The following SAXO1 variants were observed in gnomAD, a reference collection of about 807,000 sequenced individuals.
SAXO1 encodes 4930500O09Rik.
In SAXO1, 21 loss-of-function variants were observed where a neutral mutation model predicts 17.5. The observed-to-expected ratio is 1.20, with a 90% CI of 0.85 to 1.72. The LOEUF (loss-of-function observed/expected upper bound fraction) is 1.72. SAXO1 is among the 40% of genes most tolerant of loss of function. The pLI is 0.00. For missense variants in SAXO1, 843 were observed against 596.0 expected (o/e 1.41, Z -4.32); for synonymous variants, 274 against 216.5 (o/e 1.27, Z -2.33).
chr9:19,010,430 T>C (rs1834678589), intron 1 of SAXO1, among the ~76,000 whole-genome samples: 3 of 151,928 alleles, frequency 2.0e-5, no homozygotes, highest in Non-Finnish European at 4.4e-5. Context: ...TACACACCTC[T>C]GGTCCTACTA....
chr9:19,026,948 C>T (rs4483249), intron 1 of SAXO1: 79 of 860,416 alleles, frequency 9.2e-5, no homozygotes, highest in Middle Eastern at 6.9e-4. Flanking sequence ...AGGTGCTCAA[C>T]ATGTCCACGG....
intron 1 of SAXO1, among the ~76,000 whole-genome samples, chr9:19,024,766 A>T (rs1333291419): frequency 6.6e-6 from 1 of 151,620 alleles, no homozygotes; most frequent in African/African-American, 2.4e-5. Flanking sequence ...GGTCTCATTC[A>T]TCTAAGGGTA....
At chr9:18,976,954 T>G (rs1021474707) in intron 1 of SAXO1, among the ~76,000 whole-genome samples, 4 of 152,220 alleles carry the variant, frequency 2.6e-5, no homozygotes, top group African/African-American at 9.6e-5. Context: ...CTTAGCACAA[T>G]GCCTGGCTCA....
intron 1 of SAXO1, among the ~76,000 whole-genome samples, chr9:19,012,398 T>A (rs1391168487): frequency 6.6e-6 from 1 of 152,250 alleles, no homozygotes; most frequent in Non-Finnish European, 1.5e-5. Context: ...TAGGTCTGAA[T>A]TATTAAAATA....
chr9:18,928,123 G>C lies in SAXO1; in HGVS notation c.1354C>G (p.Gln452Glu). Reference sequence around the variant, plus strand: ...TCTACAGAAAGATGGCTGCTCTGCTGAGAGCCTGCCTGGGAAACTGGTTTG... The same window carrying C: ...TCTACAGAAAGATGGCTGCTCTGCTCAGAGCCTGCCTGGGAAACTGGTTTG... ...IYKPVSQAGS[Q>E]QSSHLSVDDS... The change falls in exon 4 of 4, where the codon CAG becomes GAG. Residue 452 changes from glutamine to glutamate, a missense_variant. By Grantham distance (29) the Gln-to-Glu change is conservative. Transcript: ENST00000380534. 5 of 1,614,174 alleles carry C rather than the reference G, an allele frequency of 3.1e-6. No individual in the cohort carries two copies. Among genetic ancestry groups the C allele is most frequent in the Non-Finnish European group, 4.2e-6 (5 of 1,180,008 alleles).
intron 2 of SAXO1, among the ~76,000 whole-genome samples, chr9:18,946,052 G>A (rs528420288): frequency 5.9e-5 from 9 of 152,118 alleles, no homozygotes; most frequent in Admixed American, 2.0e-4. Flanking sequence ...CAAGGCAGGC[G>A]GATCACCAGA....
At chr9:19,041,691 G>C (rs1836083834) in intron 1 of SAXO1, among the ~76,000 whole-genome samples, 2 of 152,018 alleles carry the variant, frequency 1.3e-5, no homozygotes, top group Non-Finnish European at 2.9e-5. Context: ...ACATGCATGG[G>C]GTAAAAACAG....
rs974691027 is a variant in SAXO1, at chr9:18,968,753, C to G, written c.39-17816G>C. Among the ~76,000 whole-genome samples, 4 of 152,158 alleles carry G rather than the reference C, an allele frequency of 2.6e-5. No homozygotes were observed. In the East Asian group the frequency reaches 7.8e-4, roughly 30 times the overall value. On this transcript the variant is annotated intron_variant, in intron 1 of 3. Coordinates refer to ENST00000380534, the MANE Select transcript of SAXO1 (RefSeq NM_153707.4). ...GGATTACAGGCACACGCCACTACACCTGGCTAATTTTTGTATTTTTAGTAG... is the reference window on the plus strand; with the variant it reads ...GGATTACAGGCACACGCCACTACACGTGGCTAATTTTTGTATTTTTAGTAG...
intron 1 of SAXO1, among the ~76,000 whole-genome samples, chr9:18,986,752 G>C (rs1833609765): frequency 2.0e-5 from 3 of 152,172 alleles, no homozygotes. Flanking sequence ...AGTTGTGCAG[G>C]TTGCATACTG....
At chr9:19,046,658 T>C (rs1247901946) in intron 1 of SAXO1, among the ~76,000 whole-genome samples, 1 of 150,136 alleles carries the variant, frequency 6.7e-6, no homozygotes, top group African/African-American at 2.5e-5. Context: ...GCTGAGATCA[T>C]GCCATTGCAC....
At chr9:19,032,623 C>A (rs754884809) in intron 1 of SAXO1, among the ~76,000 whole-genome samples, 2 of 152,218 alleles carry the variant, frequency 1.3e-5, no homozygotes, top group African/African-American at 2.4e-5. Context: ...CGCGGTCACG[C>A]CCATTTTCAA....
intron 1 of SAXO1, among the ~76,000 whole-genome samples, chr9:18,996,855 A>C (rs1051437154): frequency 2.0e-5 from 3 of 152,212 alleles, no homozygotes; most frequent in Non-Finnish European, 4.4e-5. Context: ...TGAGGCAAGA[A>C]AAAAAACATA....
At chr9:18,959,624 G>T (rs1177387305) in intron 1 of SAXO1, among the ~76,000 whole-genome samples, 1 of 152,008 alleles carries the variant, frequency 6.6e-6, no homozygotes, top group Admixed American at 6.6e-5. Flanking sequence ...TACAAAAATT[G>T]GCCAGGTGTG....
chr9:18,975,897 G>C (rs533359895), intron 1 of SAXO1, among the ~76,000 whole-genome samples: 13 of 152,010 alleles, frequency 8.6e-5, no homozygotes, highest in Non-Finnish European at 1.6e-4. Context: ...CAGACCAAGA[G>C]AGATGTAAGT....
At chr9:19,039,124 G>T (rs1233741794) in intron 1 of SAXO1, among the ~76,000 whole-genome samples, 1 of 149,878 alleles carries the variant, frequency 6.7e-6, no homozygotes, top group African/African-American at 2.5e-5. Flanking sequence ...AACAGAGCAA[G>T]ACCCTGCCTC....
intron 1 of SAXO1, among the ~76,000 whole-genome samples, chr9:19,007,620 G>T (rs1834538001): frequency 6.6e-6 from 1 of 152,044 alleles, no homozygotes; most frequent in South Asian, 2.1e-4. Context: ...TCTTTTCTTA[G>T]GACTCATTTC....
At chr9:18,941,606 T>C (rs1273665151) in intron 3 of SAXO1, 31 bp downstream of exon 3, 1 of 1,612,598 alleles carries the variant, frequency 6.2e-7, no homozygotes, top group Admixed American at 1.7e-5. Flanking sequence ...AGCCTGTCTT[T>C]CCCCCAATCT....
At chr9:18,979,457 T>C (rs992603947) in intron 1 of SAXO1, among the ~76,000 whole-genome samples, 27 of 152,136 alleles carry the variant, frequency 1.8e-4, no homozygotes, top group African/African-American at 6.5e-4. Context: ...TGAATGGGGG[T>C]ATCTGTGCAA....
chr9:19,030,830 G>C (rs1207700907), intron 1 of SAXO1, among the ~76,000 whole-genome samples: 2 of 152,226 alleles, frequency 1.3e-5, no homozygotes, highest in Non-Finnish European at 2.9e-5. Flanking sequence ...GCAGATACCA[G>C]AATAATGTTT....
Sources: gnomAD v4.1 joint callset for allele counts (sites outside exome capture counted in the v4.1 genomes callset) on GRCh38, gnomAD v4.1.1 for gene constraint, MANE v1.5 for transcripts, NCBI Gene and HGNC (gene_info 2026-07-23, HGNC 2026-07-21) for gene names.